PELI2: variants seen among roughly 807,000 people sequenced by gnomAD.
PELI2 encodes the protein pellino E3 ubiquitin protein ligase family member 2.
In PELI2, 23 loss-of-function variants were observed where a neutral mutation model predicts 42.3. The ratio of observed to expected loss-of-function variants is 0.54; its 90% CI spans 0.39 to 0.77. PELI2 has a LOEUF of 0.77. Among genes scored for constraint, PELI2 ranks in the 30% least tolerant of loss-of-function variants. The pLI, the probability that PELI2 is intolerant of heterozygous loss-of-function variation, is 0.00. For synonymous variants in PELI2, 245 were observed against 212.2 expected (o/e 1.15, Z -1.34); for missense variants, 463 against 553.2 (o/e 0.84, Z 1.64).
At chr14:56,267,511 A>T (rs1594699404) in intron 2 of PELI2, among the ~76,000 whole-genome samples, 1 of 152,174 alleles carries the variant, frequency 6.6e-6, no homozygotes, top group East Asian at 1.9e-4. Context: ...CCAAGGAAAG[A>T]CATTCATTAT....
rs367744551 is a variant in PELI2 at position 56,216,033 on chromosome 14, A to G, written c.207+37569A>G. Among the ~76,000 whole-genome samples, 30 of 152,308 alleles carry G rather than the reference A, an allele frequency of 2.0e-4. 1 individual carries two copies. Among genetic ancestry groups the G allele is most frequent in the Admixed American group, 8.5e-4 (13 of 15,308 alleles). ...CTCAGGAATTTGCTTAATCTGGCTT[A>G]TATTTTGCAGAGATGTCATCTCTAA... On this transcript the variant is annotated intron_variant, in intron 2 of 5. Coordinates refer to ENST00000267460, the MANE Select transcript of PELI2 (RefSeq NM_021255.3).
intron 1 of PELI2, among the ~76,000 whole-genome samples, chr14:56,165,626 C>T (rs1451214269): frequency 6.6e-6 from 1 of 152,042 alleles, no homozygotes; most frequent in Non-Finnish European, 1.5e-5. Context: ...AAATGAAGTG[C>T]AATGTTTCTT....
rs76718520 is a variant in PELI2 at position 56,238,603 on chromosome 14, G to A, written c.208-41073G>A. On this transcript the variant is annotated intron_variant, in intron 2 of 5. Coordinates refer to ENST00000267460, the MANE Select transcript of PELI2 (RefSeq NM_021255.3). ...TTTGTTGGGTTTCCTGACTTTTGAT[G>A]GAAGGGTTCACTAGGTTGTGTAGAC... Among the ~76,000 whole-genome samples, 3 of 152,210 alleles carry A rather than the reference G, an allele frequency of 2.0e-5. No individual in the cohort carries two copies. The East Asian group carries it at 5.8e-4, about 29-fold the overall frequency.
chr14:56,178,232 T>G (rs1885453064), intron 1 of PELI2, 103 bp from the exon 2 acceptor site: 1 of 1,234,326 alleles, frequency 8.1e-7, no homozygotes, highest in African/African-American at 1.5e-5. Context: ...GGGCAATTCT[T>G]TTATGACCAT....
chr14:56,188,886 G>A (rs1340556076), intron 2 of PELI2, among the ~76,000 whole-genome samples: 1 of 152,102 alleles, frequency 6.6e-6, no homozygotes, highest in Non-Finnish European at 1.5e-5. Flanking sequence ...TAGGCTGGTC[G>A]CAGTGGCTCA....
chr14:56,243,574 A>G (rs1259430123), intron 2 of PELI2, among the ~76,000 whole-genome samples: 1 of 152,238 alleles, frequency 6.6e-6, no homozygotes, highest in Non-Finnish European at 1.5e-5. Flanking sequence ...AAATCTTTCA[A>G]ATAGTGCATG....
rs1887041943 is a variant in PELI2, at chr14:56,219,436, T to A, written c.207+40972T>A. Among the ~76,000 whole-genome samples, 1 of 152,214 alleles carries A rather than the reference T, an allele frequency of 6.6e-6. No individual in the cohort carries two copies. The highest frequency in any genetic ancestry group is 1.5e-5 in the Non-Finnish European group (1 of 68,034). ...TTGTTCAGGTTCCATCTTTTTAACA[T>A]CCTTTCCTCTCGCAGTAACTACAGC... On this transcript the variant is annotated intron_variant, in intron 2 of 5. Transcript: ENST00000267460. This position sits in a 1 kb window ranked among gnomAD's most constrained non-coding sequence, Gnocchi z 4.1.
intron 2 of PELI2, among the ~76,000 whole-genome samples, chr14:56,218,012 T>C (rs1386355799): frequency 6.6e-6 from 1 of 152,224 alleles, no homozygotes; most frequent in Non-Finnish European, 1.5e-5. Context: ...TTAAGTTGGG[T>C]ATTCTAACTA....
chr14:56,122,009 A>G (rs1409573505), intron 1 of PELI2, among the ~76,000 whole-genome samples: 1 of 152,252 alleles, frequency 6.6e-6, no homozygotes, highest in Non-Finnish European at 1.5e-5. Flanking sequence ...CCATGGGAGC[A>G]TTTAAATTGT....
chr14:56,215,210 A>G (rs567825805), intron 2 of PELI2, among the ~76,000 whole-genome samples: 3 of 152,326 alleles, frequency 2.0e-5, no homozygotes, highest in Non-Finnish European at 2.9e-5. Flanking sequence ...TCTCTTTCCT[A>G]TCTTCAGAAG....
chr14:56,250,227 A>C (rs901857975), intron 2 of PELI2, among the ~76,000 whole-genome samples: 3 of 152,182 alleles, frequency 2.0e-5, no homozygotes, highest in African/African-American at 7.2e-5. Flanking sequence ...CACACTGGAA[A>C]CATTTCTATT....
At chr14:56,135,290 C>G (rs542274272) in intron 1 of PELI2, among the ~76,000 whole-genome samples, 1 of 152,228 alleles carries the variant, frequency 6.6e-6, no homozygotes, top group Non-Finnish European at 1.5e-5. Context: ...TGAATTGTGG[C>G]TTTGGGAAGT....
At chr14:56,251,253 T>C (rs767085212) in intron 2 of PELI2, among the ~76,000 whole-genome samples, 4 of 152,220 alleles carry the variant, frequency 2.6e-5, no homozygotes, top group Non-Finnish European at 4.4e-5. Flanking sequence ...AAGTTGACAT[T>C]GTTACTTCTT....
intron 2 of PELI2, among the ~76,000 whole-genome samples, chr14:56,232,256 T>G (rs1164094135): frequency 6.6e-6 from 1 of 152,136 alleles, no homozygotes; most frequent in Non-Finnish European, 1.5e-5. Flanking sequence ...CTAACTCATT[T>G]TATGAGGCCA....
intron 2 of PELI2, among the ~76,000 whole-genome samples, chr14:56,228,698 CG>C (rs1375485491): frequency 1.3e-5 from 2 of 152,196 alleles, no homozygotes; most frequent in African/African-American, 4.8e-5. Context: ...ATGCAGAAGA[CG>C]GATGATTTCT....
At chr14:56,193,191 C>G (rs1437341003) in intron 2 of PELI2, among the ~76,000 whole-genome samples, 3 of 152,178 alleles carry the variant, frequency 2.0e-5, no homozygotes, top group Non-Finnish European at 2.9e-5. Context: ...TCCTCTGAGC[C>G]TCTGTCTTCC....
At position 56,288,710 on chromosome 14, in the gene PELI2, A is replaced by AG; in HGVS notation, c.507+76_507+77insG. On this transcript the variant is annotated intron_variant, in intron 4 of 5. Coordinates refer to ENST00000267460, the MANE Select transcript of PELI2 (RefSeq NM_021255.3). This position sits in a 1 kb window ranked among gnomAD's most constrained non-coding sequence, Gnocchi z 4.6. ...GATATGGAACATTTAATTGGAGCAA[A>AG]AAAAAATTGGCTTTGTATGTTGCCT... The AG allele has an allele frequency of 8.2e-7, 1 of 1,222,326 alleles. No homozygotes were observed. 75.7% of individuals were successfully genotyped at this position (1,222,326 alleles called of 1,614,324 possible).
chr14:56,167,377 T>C (rs1362839203), intron 1 of PELI2, among the ~76,000 whole-genome samples: 1 of 152,198 alleles, frequency 6.6e-6, no homozygotes, highest in African/African-American at 2.4e-5. Context: ...CTTCTTTCTT[T>C]TGTCTCCTCT....
At position 56,181,485 on chromosome 14, in the gene PELI2, A is replaced by C. The variant is rs367926525; in HGVS notation, c.207+3021A>C. On this transcript the variant is annotated intron_variant, in intron 2 of 5. Coordinates refer to ENST00000267460, the MANE Select transcript of PELI2 (RefSeq NM_021255.3). ...AGATTTTTGATGCTGCAGTATTGGTAATGAAAGTTCATCTTTGATTGTAGT... is the reference window on the plus strand; with the variant it reads ...AGATTTTTGATGCTGCAGTATTGGTCATGAAAGTTCATCTTTGATTGTAGT... 1.4e-4 allele frequency among the ~76,000 whole-genome samples: 21 copies of C among 151,832 alleles called. 1 individual carries two copies. The highest frequency in any genetic ancestry group is 8.5e-4 in the Admixed American group (13 of 15,224).
Sources: allele counts gnomAD v4.1 joint callset (sites outside exome capture counted in the v4.1 genomes callset), GRCh38; gene constraint gnomAD v4.1.1; non-coding constraint Gnocchi (gnomAD v3.1); transcripts MANE v1.5; gene names NCBI Gene and HGNC (gene_info 2026-07-23, HGNC 2026-07-21).